Variants in RPS6KC1 observed in about 807,000 individuals in gnomAD.
RPS6KC1 encodes inactive ribosomal protein S6 kinase delta-1.
RPS6KC1 carries 54 observed loss-of-function variants against 103.8 expected under a neutral mutation model. The observed-to-expected ratio is 0.52, with a 90% CI of 0.42 to 0.65. The LOEUF is 0.65. RPS6KC1 is among the 30% of genes least tolerant of loss of function. The pLI is 0.00. For synonymous variants in RPS6KC1, 439 were observed against 438.7 expected (o/e 1.00, Z -0.01); for missense variants, 1,151 against 1,253.8 (o/e 0.92, Z 1.24).
the RPS6KC1 span, among the ~76,000 whole-genome samples, chr1:213,847,165 T>C: frequency 6.6e-6 from 1 of 152,334 alleles, no homozygotes; most frequent in Admixed American, 6.5e-5. Flanking sequence ...AAAGTCATTA[T>C]AATAAAATTT....
intron 3 of RPS6KC1, among the ~76,000 whole-genome samples, chr1:213,094,429 TTAATC>T (rs75070606): frequency 0.034 from 5,177 of 152,236 alleles, 121 homozygotes; most frequent in Middle Eastern, 0.054. Context: ...CTTGGTTTCT[TTAATC>T]TAGAATAGTT....
chr1:213,240,284 A>G (rs2094321658), intron 10 of RPS6KC1, among the ~76,000 whole-genome samples: 1 of 152,188 alleles, frequency 6.6e-6, no homozygotes, highest in South Asian at 2.1e-4. Context: ...AATTTTAAAC[A>G]GCACTTATTT....
At chr1:213,537,235 T>A in the RPS6KC1 span, among the ~76,000 whole-genome samples, 2 of 152,104 alleles carry the variant, frequency 1.3e-5, no homozygotes, top group African/African-American at 2.4e-5. Flanking sequence ...AATCTCTGGG[T>A]TGGCCACTCC....
the RPS6KC1 span, among the ~76,000 whole-genome samples, chr1:213,517,178 G>A: frequency 8.0e-6 from 1 of 125,250 alleles, no homozygotes; most frequent in African/African-American, 2.7e-5. Flanking sequence ...CAAAAAACCA[G>A]CTCCTGGATT....
intron 12 of RPS6KC1, among the ~76,000 whole-genome samples, chr1:213,253,208 C>T (rs528753732): frequency 9.2e-5 from 14 of 152,056 alleles, no homozygotes; most frequent in Admixed American, 4.6e-4. Context: ...GGACTTGTCT[C>T]TGGGAATTTT....
At chr1:213,133,480 A>G (rs2085891695) in intron 6 of RPS6KC1, among the ~76,000 whole-genome samples, 1 of 152,188 alleles carries the variant, frequency 6.6e-6, no homozygotes, top group South Asian at 2.1e-4. Flanking sequence ...ACTTTGTCTA[A>G]GGACACCAAA....
the RPS6KC1 span, among the ~76,000 whole-genome samples, chr1:213,346,701 A>G: frequency 2.6e-5 from 4 of 152,186 alleles, no homozygotes; most frequent in African/African-American, 9.7e-5. Context: ...TAAATGACAA[A>G]TATCATACTG....
chr1:213,707,942 T>C, the RPS6KC1 span, among the ~76,000 whole-genome samples: 1 of 152,326 alleles, frequency 6.6e-6, no homozygotes, highest in Admixed American at 6.5e-5. Flanking sequence ...TTGGTTACTG[T>C]AGTCTTGTAG....
chr1:213,248,193 ATAC>A (rs1224822485), intron 12 of RPS6KC1, among the ~76,000 whole-genome samples: 1 of 152,118 alleles, frequency 6.6e-6, no homozygotes, highest in East Asian at 1.9e-4. Flanking sequence ...TAACCAGGAG[ATAC>A]TACTTTTTTT....
At chr1:213,728,965 T>TTTTTTTTTTTA in the RPS6KC1 span, among the ~76,000 whole-genome samples, 125 of 141,082 alleles carry the variant, frequency 8.9e-4, 1 homozygote, top group African/African-American at 3.3e-3. Flanking sequence ...TTTTTTTTTT[T>TTTTTTTTTTTA]ACCAGTGGAC....
intron 8 of RPS6KC1, among the ~76,000 whole-genome samples, chr1:213,203,697 A>C (rs2093247834): frequency 6.6e-6 from 1 of 152,222 alleles, no homozygotes; most frequent in African/African-American, 2.4e-5. Context: ...AGCTAAAAAA[A>C]GGTATAATTC....
At chr1:213,714,196 C>T in the RPS6KC1 span, among the ~76,000 whole-genome samples, 1 of 152,192 alleles carries the variant, frequency 6.6e-6, no homozygotes, top group East Asian at 1.9e-4. Context: ...GTTGTTTCTA[C>T]CACATAGTGT....
chr1:213,506,653 A>G, the RPS6KC1 span, among the ~76,000 whole-genome samples: 4 of 152,232 alleles, frequency 2.6e-5, no homozygotes, highest in African/African-American at 4.8e-5. Flanking sequence ...AATCCAGGAG[A>G]TAGAGAAAGA....
the RPS6KC1 span, among the ~76,000 whole-genome samples, chr1:213,432,984 C>A: frequency 2.6e-5 from 4 of 152,288 alleles, no homozygotes; most frequent in Admixed American, 2.6e-4. Flanking sequence ...CAAATTATCA[C>A]AAATCTAGTG....
chr1:213,614,336 T>A, the RPS6KC1 span, among the ~76,000 whole-genome samples: 1 of 152,142 alleles, frequency 6.6e-6, no homozygotes, highest in Non-Finnish European at 1.5e-5. Context: ...ACCACTACGG[T>A]TTCTACAGAG....
At chr1:213,235,625 G>T (rs1418999808) in intron 10 of RPS6KC1, among the ~76,000 whole-genome samples, 2 of 152,126 alleles carry the variant, frequency 1.3e-5, no homozygotes, top group Non-Finnish European at 2.9e-5. Context: ...AGAGGCAGGG[G>T]TGTGCTTGGT....
At chr1:213,508,922 C>A in the RPS6KC1 span, among the ~76,000 whole-genome samples, 2,726 of 152,262 alleles carry the variant, frequency 0.018, 82 homozygotes, top group African/African-American at 0.062. Context: ...TCGGTGAATT[C>A]ATGGATAGTG....
the RPS6KC1 span, among the ~76,000 whole-genome samples, chr1:213,655,758 G>T: frequency 6.6e-6 from 1 of 152,080 alleles, no homozygotes; most frequent in Non-Finnish European, 1.5e-5. Flanking sequence ...TATATATACT[G>T]AATATTTCTA....
the RPS6KC1 span, among the ~76,000 whole-genome samples, chr1:213,422,421 C>T: frequency 6.6e-6 from 1 of 152,030 alleles, no homozygotes; most frequent in African/African-American, 2.4e-5. Flanking sequence ...GGTTTGTTTC[C>T]ACCTTTTGGC....
Sources: allele counts gnomAD v4.1 joint callset (sites outside exome capture counted in the v4.1 genomes callset), GRCh38; gene constraint gnomAD v4.1.1; transcripts MANE v1.5; gene names NCBI Gene and HGNC (gene_info 2026-07-23, HGNC 2026-07-21).